EVI5: variants seen among roughly 807,000 people sequenced by gnomAD.
EVI5 encodes the protein ecotropic viral integration site 5.
EVI5 carries 73 observed loss-of-function variants against 112.0 expected under a neutral mutation model. That is an observed-to-expected ratio of 0.65 (90% CI 0.54 to 0.79). The LOEUF (loss-of-function observed/expected upper bound fraction) is 0.79. Among genes scored for constraint, EVI5 ranks in the 30% least tolerant of loss-of-function variants. The pLI, the probability that EVI5 is intolerant of heterozygous loss-of-function variation, is 0.00. For missense variants in EVI5, 900 were observed against 968.8 expected (o/e 0.93, Z 0.94); for synonymous variants, 305 against 319.9 (o/e 0.95, Z 0.50).
intron 19 of EVI5, among the ~76,000 whole-genome samples, chr1:92,515,783 C>A (rs1659764980): frequency 6.6e-6 from 1 of 152,182 alleles, no homozygotes; most frequent in South Asian, 2.1e-4. Flanking sequence ...TACCTCCCAG[C>A]TTTCCTGAAA....
chr1:92,739,330 A>T (rs1332184473), intron 1 of EVI5, among the ~76,000 whole-genome samples: 2 of 151,990 alleles, frequency 1.3e-5, no homozygotes, highest in East Asian at 3.9e-4. Flanking sequence ...CATCATTAAA[A>T]AGGCTTAGTA....
rs372747076 is a variant in EVI5, at chr1:92,655,791, A to G, written c.1392+6928T>C. Among the ~76,000 whole-genome samples, 9 of 152,338 alleles carry G rather than the reference A, an allele frequency of 5.9e-5. No individual in the cohort carries two copies. The East Asian group carries it at 9.6e-4, about 16-fold the overall frequency. ...GGGAAGATGTAACAATCCTAAATAT[A>G]TATGTACCCGATATAGGAGGTACCC... On this transcript the variant is annotated intron_variant, in intron 13 of 19. Transcript: ENST00000684568.
intron 19 of EVI5, among the ~76,000 whole-genome samples, chr1:92,541,847 TA>T (rs1353655570): frequency 6.6e-6 from 1 of 152,198 alleles, no homozygotes; most frequent in Non-Finnish European, 1.5e-5. Flanking sequence ...AGTATATGTT[TA>T]AAAACAATGT....
chr1:92,782,216 C>T (rs1684956758), intron 1 of EVI5, among the ~76,000 whole-genome samples: 1 of 151,966 alleles, frequency 6.6e-6, no homozygotes, highest in East Asian at 1.9e-4. Flanking sequence ...CGAGATCGCG[C>T]CACTGCACTC....
Position 92,693,852 on chromosome 1 carries a change from C to T in EVI5, c.1047G>A (p.Lys349=), listed in dbSNP as rs774357703. Residue 349 remains lysine (K), a synonymous_variant, in exon 9 of 20, where the codon AAG becomes AAA. Transcript: ENST00000684568. ...TGACTTGGTAAGCTGCTTGGATTAG[C>T]TTGTCTGGGACACCATCAAACTGAT... ...IPHQFDGVPD[K]LIQAAYQVKY... 7 of 1,607,868 alleles carry T rather than the reference C, an allele frequency of 4.4e-6. No individual in the cohort carries two copies. The South Asian group carries it at 5.5e-5, about 13-fold the overall frequency.
intron 19 of EVI5, among the ~76,000 whole-genome samples, chr1:92,540,260 T>C (rs1435230300): frequency 6.6e-6 from 1 of 152,242 alleles, no homozygotes; most frequent in Non-Finnish European, 1.5e-5. Flanking sequence ...GAGGACCTGC[T>C]ATATACTGTT....
intron 13 of EVI5, among the ~76,000 whole-genome samples, chr1:92,660,115 T>C (rs548158535): frequency 6.6e-6 from 1 of 152,046 alleles, no homozygotes; most frequent in South Asian, 2.1e-4. Context: ...AGAAATTAAC[T>C]CATGGATACA....
chr1:92,591,124 G>C (rs1322934199), intron 18 of EVI5, among the ~76,000 whole-genome samples: 1 of 152,136 alleles, frequency 6.6e-6, no homozygotes, highest in Non-Finnish European at 1.5e-5. Flanking sequence ...CACTAAACAT[G>C]GAAAGGAACA....
At chr1:92,654,897 C>T (rs1662747357) in intron 13 of EVI5, among the ~76,000 whole-genome samples, 1 of 151,982 alleles carries the variant, frequency 6.6e-6, no homozygotes. Context: ...AAAGACAGGT[C>T]TATTGAATTA....
chr1:92,693,794 ATACT>A lies in EVI5; in HGVS notation c.1097+4_1097+7del. The stretch of plus-strand genomic sequence containing the variant: ...ACTGAATTTCCAACAAAAATATAAA[ATACT>A]TACTTTTTCATTTTTTTTGAATTGT... On this transcript the variant is annotated splice_donor_5th_base_variant and intron_variant, in intron 9 of 19. Coordinates refer to ENST00000684568, the MANE Select transcript of EVI5 (RefSeq NM_001350197.2). 1.4e-6 allele frequency: 2 copies of A among 1,481,474 alleles called. No individual in the cohort carries two copies. The highest frequency in any genetic ancestry group is 1.9e-6 in the Non-Finnish European group (2 of 1,066,322). The allele number at this position is 1,481,474 out of a possible 1,614,324, so 91.8% of individuals were successfully genotyped here.
chr1:92,649,400 A>G (rs562310790), intron 13 of EVI5, among the ~76,000 whole-genome samples: 70 of 152,340 alleles, frequency 4.6e-4, no homozygotes, highest in African/African-American at 1.5e-3. Context: ...TTTGTTGCTC[A>G]TGCCTTTGGT....
At chr1:92,731,066 G>A (rs541016819) in intron 2 of EVI5, among the ~76,000 whole-genome samples, 7 of 152,184 alleles carry the variant, frequency 4.6e-5, no homozygotes, top group East Asian at 1.9e-4. Context: ...GCTCAGGCCT[G>A]TAATCCCAGC....
chr1:92,658,720 GA>G (rs1169405747), intron 13 of EVI5, among the ~76,000 whole-genome samples: 2 of 150,232 alleles, frequency 1.3e-5, no homozygotes, highest in Non-Finnish European at 1.5e-5. Context: ...TCACAGTTAG[GA>G]AAAAAAAATC....
chr1:92,696,309 G>C (rs1052152424), intron 6 of EVI5, among the ~76,000 whole-genome samples: 1 of 151,922 alleles, frequency 6.6e-6, no homozygotes, highest in African/African-American at 2.4e-5. Context: ...TTTCAGAAAA[G>C]AATTAATTAA....
intron 19 of EVI5, among the ~76,000 whole-genome samples, chr1:92,540,777 T>C (rs1303900569): frequency 1.3e-5 from 2 of 152,006 alleles, no homozygotes; most frequent in Admixed American, 6.6e-5. Flanking sequence ...CCTTTTCCTA[T>C]AAAAACAGAA....
At chr1:92,719,637 A>G (rs1674399171) in intron 2 of EVI5, among the ~76,000 whole-genome samples, 1 of 152,044 alleles carries the variant, frequency 6.6e-6, no homozygotes, top group African/African-American at 2.4e-5. Flanking sequence ...AAACCGGCAC[A>G]AGACAGGGAT....
chr1:92,532,963 C>CA (rs1336322143), intron 19 of EVI5, among the ~76,000 whole-genome samples: 6 of 140,728 alleles, frequency 4.3e-5, no homozygotes, highest in African/African-American at 1.0e-4. Context: ...GATAGAGACA[C>CA]AAAAAACCCT....
intron 1 of EVI5, among the ~76,000 whole-genome samples, chr1:92,737,450 C>G (rs994916811): frequency 6.6e-6 from 1 of 152,176 alleles, no homozygotes; most frequent in Non-Finnish European, 1.5e-5. Flanking sequence ...AGATTCCTCT[C>G]TTTTCTAAGA....
intron 1 of EVI5, among the ~76,000 whole-genome samples, chr1:92,790,210 G>C (rs1317101102): frequency 2.6e-5 from 4 of 152,186 alleles, no homozygotes; most frequent in Non-Finnish European, 4.4e-5. Context: ...TCTGGAGACT[G>C]AAGTGGGAGG....
Sources: gnomAD v4.1 joint callset for allele counts (sites outside exome capture counted in the v4.1 genomes callset) on GRCh38, gnomAD v4.1.1 for gene constraint, MANE v1.5 for transcripts, NCBI Gene and HGNC (gene_info 2026-07-23, HGNC 2026-07-21) for gene names.